Variants in OPN3 observed in about 807,000 individuals in gnomAD.
The protein encoded by OPN3 is opsin 3.
Under a neutral mutation model 33.8 loss-of-function variants are expected in OPN3, and 29 were observed. The observed-to-expected ratio is 0.86, with a 90% CI of 0.64 to 1.17. The LOEUF (loss-of-function observed/expected upper bound fraction) is 1.17, where lower values mean the gene tolerates loss of function less well. OPN3 is among the 50% of genes most tolerant of loss of function. OPN3 has a pLI of 0.00. For missense variants in OPN3, 437 were observed against 514.1 expected (o/e 0.85, Z 1.45); for synonymous variants, 216 against 216.1 (o/e 1.00, Z 0.00).
chr1:241,634,625 C>T (rs539843161), intron 1 of OPN3: 1 of 1,613,838 alleles, frequency 6.2e-7, no homozygotes, highest in East Asian at 2.2e-5. Context: ...TTCTCCTTGG[C>T]CATACAAGGG....
At chr1:241,634,616 T>A (rs749456584) in intron 1 of OPN3, 5 of 1,613,870 alleles carry the variant, frequency 3.1e-6, no homozygotes, top group Non-Finnish European at 2.5e-6. Context: ...CTGGGGAATT[T>A]CTCCTTGGCC....
chr1:241,628,785 A>G (rs1331838920), intron 1 of OPN3: 1 of 152,202 alleles, frequency 6.6e-6, no homozygotes, highest in East Asian at 1.9e-4. Context: ...TAACACCTAG[A>G]AATGTATATT....
intron 1 of OPN3, among the ~76,000 whole-genome samples, chr1:241,625,842 C>A (rs1462211865): frequency 6.6e-6 from 1 of 152,120 alleles, no homozygotes; most frequent in African/African-American, 2.4e-5. Context: ...ATATTTGGGG[C>A]TGGATAATTC....
chr1:241,624,184 G>A (rs530110494), intron 1 of OPN3, among the ~76,000 whole-genome samples: 16 of 148,886 alleles, frequency 1.1e-4, no homozygotes, highest in South Asian at 4.3e-4. Context: ...GCCTCTCCAC[G>A]CCAGGCCAGG....
rs1288613935 is a variant in OPN3, at chr1:241,639,923, G to C, written c.332C>G (p.Thr111Ser). 1.2e-6 allele frequency: 2 copies of C among 1,604,504 alleles called. No homozygotes were observed. The highest frequency in any genetic ancestry group is 1.7e-6 in the Non-Finnish European group (2 of 1,176,034). The part of the protein sequence containing the change: ...SCLRNGWVWD[T>S]VGCVWDGFSG... ...AAACCCGTCCCACACGCAGCCCACGGTGTCCCACACCCAGCCGTTCCTCAG... is the reference window on the plus strand; with the variant it reads ...AAACCCGTCCCACACGCAGCCCACGCTGTCCCACACCCAGCCGTTCCTCAG... The change falls in exon 1 of 4, where the codon ACC becomes AGC. Residue 111 changes from threonine to serine, a missense_variant. Thr to Ser is a moderately conservative substitution (Grantham distance 58). Transcript: ENST00000366554.
chr1:241,607,445 C>A (rs905806475), intron 1 of OPN3, among the ~76,000 whole-genome samples: 4 of 151,978 alleles, frequency 2.6e-5, no homozygotes, highest in African/African-American at 9.7e-5. Context: ...ACCTCGGAGA[C>A]AGAGGTTGCA....
intron 1 of OPN3, chr1:241,634,425 T>G: frequency 6.2e-7 from 1 of 1,613,808 alleles, no homozygotes; most frequent in Non-Finnish European, 8.5e-7. Context: ...TACTGCACAT[T>G]TGAGCATGTT....
chr1:241,633,141 T>C (rs3765824), intron 1 of OPN3: 45,989 of 152,052 alleles, frequency 0.3, 7,244 homozygotes, highest in East Asian at 0.48. Context: ...TAAATTAGAA[T>C]ACTGTGGTGG....
chr1:241,638,234 C>G (rs1047513540), intron 1 of OPN3, among the ~76,000 whole-genome samples: 1 of 152,020 alleles, frequency 6.6e-6, no homozygotes, highest in Non-Finnish European at 1.5e-5. Flanking sequence ...CTTAGAAAAT[C>G]ACTGGGCTGG....
At chr1:241,628,087 T>C (rs940231246) in intron 1 of OPN3, among the ~76,000 whole-genome samples, 1 of 152,186 alleles carries the variant, frequency 6.6e-6, no homozygotes, top group African/African-American at 2.4e-5. Context: ...ACGATTCGGC[T>C]TTTAACCTTT....
chr1:241,595,937 A>G (rs1663495444), intron 3 of OPN3, among the ~76,000 whole-genome samples: 1 of 152,250 alleles, frequency 6.6e-6, no homozygotes, highest in African/African-American at 2.4e-5. Context: ...CTCTTTGAGG[A>G]CAAGGACCGT....
Position 241,605,070 on chromosome 1 carries a change from T to A in OPN3, c.374-491A>T, listed in dbSNP as rs908789791. The stretch of plus-strand genomic sequence containing the variant: ...GACCTTATCTCAAAAAAAAAAAAAA[T>A]AAAATAAAATAAAATGGAAAATGCC... On this transcript the variant is annotated intron_variant, in intron 1 of 3. Coordinates refer to ENST00000366554, the MANE Select transcript of OPN3 (RefSeq NM_014322.3). 5.4e-3 allele frequency among the ~76,000 whole-genome samples: 635 copies of A among 118,486 alleles called. 1 individual carries two copies. The highest frequency in any genetic ancestry group is 7.3e-3 in the South Asian group (25 of 3,402). 77.7% of individuals were successfully genotyped at this position (118,486 alleles called of 152,430 possible).
In OPN3 at chr1:241,593,247, C is replaced by A; in HGVS notation, c.*1181G>T. 1 of 304,746 alleles carries A rather than the reference C, an allele frequency of 3.3e-6. No homozygotes were observed. The highest frequency in any genetic ancestry group is 7.8e-5 in the East Asian group (1 of 12,810). 18.9% of individuals were successfully genotyped at this position (304,746 alleles called of 1,614,324 possible). ...ATTACTTTATTCAATTTCAGACCCT[C>A]AGAAGCAATTTACTAATTTATTCTT... On this transcript the variant is annotated 3_prime_UTR_variant, in exon 4 of 4. Transcript: ENST00000366554.
chr1:241,618,902 GA>G (rs1202258879), intron 1 of OPN3, among the ~76,000 whole-genome samples: 1 of 149,454 alleles, frequency 6.7e-6, no homozygotes, highest in South Asian at 2.1e-4. Context: ...TCTTATCTAA[GA>G]ATTCTTCTAC....
chr1:241,636,373 T>C (rs1238737527), intron 1 of OPN3, among the ~76,000 whole-genome samples: 1 of 152,226 alleles, frequency 6.6e-6, no homozygotes, highest in Non-Finnish European at 1.5e-5. Context: ...AAAACTATCA[T>C]GTGAATAAAT....
rs1663761330 is a variant in OPN3 at position 241,604,319 on chromosome 1, C to T, written c.634G>A (p.Val212Met). Residue 212 changes from valine to methionine, a missense_variant, in exon 2 of 4, where the codon GTG becomes ATG. Val to Met is a conservative substitution (Grantham distance 21). Coordinates refer to ENST00000366554, the MANE Select transcript of OPN3 (RefSeq NM_014322.3). ...TGGGCTATGACACCCAGGGGCACCA[C>T]CAGGCAGCCAAGAAATAAGAAAAGC... ...FVLFLFLGCL[V>M]VPLGVIAHCY... is the part of the protein sequence containing the mutation. 1 of 1,614,154 alleles carries T rather than the reference C, an allele frequency of 6.2e-7. No individual in the cohort carries two copies. The highest frequency in any genetic ancestry group is 8.5e-7 in the Non-Finnish European group (1 of 1,180,012).
intron 1 of OPN3, among the ~76,000 whole-genome samples, chr1:241,610,891 TA>T (rs1427170518): frequency 6.6e-6 from 1 of 152,200 alleles, no homozygotes; most frequent in Non-Finnish European, 1.5e-5. Context: ...TGCTCACCAG[TA>T]AAACTGAGAT....
intron 3 of OPN3, chr1:241,594,895 G>A (rs577559203): frequency 2.3e-5 from 13 of 569,520 alleles, no homozygotes; most frequent in African/African-American, 9.4e-5. Flanking sequence ...CTTATTAACC[G>A]GAATATGTAG....
chr1:241,616,499 G>A (rs899195414), intron 1 of OPN3, among the ~76,000 whole-genome samples: 2 of 151,584 alleles, frequency 1.3e-5, no homozygotes, highest in African/African-American at 4.9e-5. Context: ...CTATATTTTG[G>A]TACAATTCTG....
Sources: gnomAD v4.1 joint callset for allele counts (sites outside exome capture counted in the v4.1 genomes callset) on GRCh38, gnomAD v4.1.1 for gene constraint, MANE v1.5 for transcripts, NCBI Gene and HGNC (gene_info 2026-07-23, HGNC 2026-07-21) for gene names.